Variants in RETREG1 observed in about 807,000 individuals in gnomAD.
RETREG1 encodes the protein reticulophagy regulator 1.
In RETREG1, 44 loss-of-function variants were observed where a neutral mutation model predicts 54.8. The observed-to-expected ratio is 0.80, with a 90% CI of 0.63 to 1.03. The LOEUF (loss-of-function observed/expected upper bound fraction) is 1.03, where lower values mean the gene tolerates loss of function less well. Among genes scored for constraint, RETREG1 ranks in the 50% least tolerant of loss-of-function variants. The pLI, the probability that RETREG1 is intolerant of heterozygous loss-of-function variation, is 0.00. For missense variants in RETREG1, 554 were observed against 605.1 expected, an observed-to-expected ratio of 0.92 and a Z score of 0.89; for synonymous variants, 217 against 238.5, an observed-to-expected ratio of 0.91 and a Z score of 0.83.
chr5:16,507,330 A>G (rs966110055), intron 3 of RETREG1, among the ~76,000 whole-genome samples: 8 of 152,202 alleles, frequency 5.3e-5, no homozygotes, highest in African/African-American at 1.7e-4. Flanking sequence ...GGGAGTGCCT[A>G]GGTGCCAAGA....
rs1325653190 is a variant in RETREG1 at position 16,597,788 on chromosome 5, G to T, written c.320+18864C>A. Among the ~76,000 whole-genome samples the T allele has an allele frequency of 6.6e-6, 1 of 152,186 alleles. No homozygotes were observed. The highest frequency in any genetic ancestry group is 1.5e-5 in the Non-Finnish European group (1 of 68,042). On this transcript the variant is annotated intron_variant, in intron 1 of 8. Coordinates refer to ENST00000306320, the MANE Select transcript of RETREG1 (RefSeq NM_001034850.3). This position sits in a 1 kb window ranked among gnomAD's most constrained non-coding sequence, Gnocchi z 4.3. ...ACCAATCACATCAGTGCCAGGGGTT[G>T]TTTGTAATGGCCCGTCAGTTCTCCA... is the stretch of plus-strand genomic sequence containing the variant.
chr5:16,517,241 G>A (rs778533329), intron 3 of RETREG1, among the ~76,000 whole-genome samples: 1 of 152,100 alleles, frequency 6.6e-6, no homozygotes, highest in Non-Finnish European at 1.5e-5. Context: ...AAACAAAAAT[G>A]CAAATCCATT....
intron 3 of RETREG1, among the ~76,000 whole-genome samples, chr5:16,504,296 G>C (rs946802040): frequency 3.9e-5 from 6 of 152,140 alleles, no homozygotes; most frequent in Non-Finnish European, 8.8e-5. Context: ...TCTTTATCCA[G>C]TCTATCGTTG....
At chr5:16,545,351 T>A (rs1551936) in intron 3 of RETREG1, among the ~76,000 whole-genome samples, 1 of 151,940 alleles carries the variant, frequency 6.6e-6, no homozygotes, top group Non-Finnish European at 1.5e-5. Flanking sequence ...GGTAGAATGC[T>A]GAGGTGAAGC....
At chr5:16,524,089 G>A (rs1022840536) in intron 3 of RETREG1, among the ~76,000 whole-genome samples, 2 of 152,190 alleles carry the variant, frequency 1.3e-5, no homozygotes, top group Admixed American at 1.3e-4. Context: ...CCTCAAAGAT[G>A]ATGGCACTTC....
chr5:16,528,539 AG>A (rs1283777090), intron 3 of RETREG1, among the ~76,000 whole-genome samples: 1 of 152,124 alleles, frequency 6.6e-6, no homozygotes, highest in African/African-American at 2.4e-5. Context: ...AAGAAAGATT[AG>A]GGGGCCAAGG....
chr5:16,616,557 G>A, intron 1 of RETREG1, 95 bp downstream of exon 1: 2 of 1,514,302 alleles, frequency 1.3e-6, no homozygotes, highest in South Asian at 2.4e-5. Flanking sequence ...CCTCCGCAGT[G>A]TCCCGCGGGC....
intron 1 of RETREG1, among the ~76,000 whole-genome samples, chr5:16,577,358 G>A (rs1456564775): frequency 6.6e-6 from 1 of 150,640 alleles, no homozygotes; most frequent in Non-Finnish European, 1.5e-5. Context: ...GAGACACGCA[G>A]ACTGTCTGGA....
At chr5:16,535,908 T>C (rs936239039) in intron 3 of RETREG1, among the ~76,000 whole-genome samples, 1 of 145,738 alleles carries the variant, frequency 6.9e-6, no homozygotes, top group Non-Finnish European at 1.5e-5. Context: ...CTTCACAAAG[T>C]GGGAGCTGGG....
intron 1 of RETREG1, among the ~76,000 whole-genome samples, chr5:16,583,609 T>C (rs1279446245): frequency 6.6e-6 from 1 of 152,146 alleles, no homozygotes; most frequent in Non-Finnish European, 1.5e-5. Flanking sequence ...AAGGCCAAAT[T>C]AAATGGCTTA....
intron 5 of RETREG1, among the ~76,000 whole-genome samples, chr5:16,479,276 A>C (rs1434164899): frequency 6.6e-6 from 1 of 152,114 alleles, no homozygotes; most frequent in Non-Finnish European, 1.5e-5. Flanking sequence ...ACACACATGC[A>C]TACCCACACT....
chr5:16,573,861 C>G (rs1330575116), intron 1 of RETREG1, among the ~76,000 whole-genome samples: 1 of 151,572 alleles, frequency 6.6e-6, no homozygotes, highest in Non-Finnish European at 1.5e-5. Flanking sequence ...TCTCCTGCCT[C>G]AGCCGCCCAA....
At chr5:16,512,979 G>A (rs190249769) in intron 3 of RETREG1, among the ~76,000 whole-genome samples, 20 of 152,028 alleles carry the variant, frequency 1.3e-4, no homozygotes, top group Non-Finnish European at 1.8e-4. Flanking sequence ...TTGATCTCTC[G>A]CAGCAACTGG....
chr5:16,592,919 G>A (rs1346723681), intron 1 of RETREG1, among the ~76,000 whole-genome samples: 1 of 152,024 alleles, frequency 6.6e-6, no homozygotes, highest in Non-Finnish European at 1.5e-5. Flanking sequence ...GGAAAGAGAA[G>A]AGCAGAAAAA....
chr5:16,603,668 C>T (rs965932652), intron 1 of RETREG1, among the ~76,000 whole-genome samples: 1 of 149,016 alleles, frequency 6.7e-6, no homozygotes, highest in African/African-American at 2.5e-5. Flanking sequence ...CCCAGCCCAA[C>T]CCCACCCTCA....
At chr5:16,490,857 T>G (rs966682749) in intron 3 of RETREG1, among the ~76,000 whole-genome samples, 1 of 152,170 alleles carries the variant, frequency 6.6e-6, no homozygotes, top group Non-Finnish European at 1.5e-5. Context: ...GGATTATGGA[T>G]CCCTAAATGC....
intron 3 of RETREG1, among the ~76,000 whole-genome samples, chr5:16,528,637 A>G (rs334490): frequency 0.86 from 130,503 of 152,250 alleles, 56,020 homozygotes; most frequent in Middle Eastern, 0.88. Flanking sequence ...CAGGTGGGAT[A>G]TGTGCAAGAA....
intron 3 of RETREG1, among the ~76,000 whole-genome samples, chr5:16,515,908 A>G (rs1740337722): frequency 6.6e-6 from 1 of 152,196 alleles, no homozygotes; most frequent in African/African-American, 2.4e-5. Flanking sequence ...TATTCAGAGT[A>G]GGGGCTTTAA....
chr5:16,580,717 T>C (rs1742456799), intron 1 of RETREG1, among the ~76,000 whole-genome samples: 3 of 152,130 alleles, frequency 2.0e-5, no homozygotes, highest in Admixed American at 2.0e-4. Flanking sequence ...CAGAAGACCA[T>C]GAGGGCAGGG....
Sources: allele counts gnomAD v4.1 joint callset (sites outside exome capture counted in the v4.1 genomes callset), GRCh38; gene constraint gnomAD v4.1.1; non-coding constraint Gnocchi (gnomAD v3.1); transcripts MANE v1.5; gene names NCBI Gene and HGNC (gene_info 2026-07-23, HGNC 2026-07-21).